VPS72: variants seen among roughly 807,000 people sequenced by gnomAD.
VPS72 encodes vacuolar protein sorting 72 homolog.
Under a neutral mutation model 38.9 loss-of-function variants are expected in VPS72, and 27 were observed. That is an observed-to-expected ratio of 0.69 (90% CI 0.51 to 0.96). The LOEUF (loss-of-function observed/expected upper bound fraction) is 0.96, where lower values mean the gene tolerates loss of function less well. Among genes scored for constraint, VPS72 ranks in the 40% least tolerant of loss-of-function variants. The probability of loss-of-function intolerance (pLI) is 0.00; values close to 1 mark genes in which losing one functional copy is unlikely to be tolerated. For missense variants in VPS72, 360 were observed against 479.5 expected (o/e 0.75, Z 2.33); for synonymous variants, 173 against 186.3 (o/e 0.93, Z 0.58).
rs1684305459 is a variant in VPS72, at chr1:151,184,456, T to C, written c.423A>G (p.Thr141=). 1.2e-6 allele frequency: 2 copies of C among 1,613,872 alleles called. No homozygotes were observed. Among genetic ancestry groups the C allele is most frequent in the Non-Finnish European group, 1.7e-6 (2 of 1,180,036 alleles). The change falls in exon 4 of 6, where the codon ACA becomes ACG. Residue 141 remains threonine (T), a synonymous_variant. Coordinates refer to ENST00000368892, the MANE Select transcript of VPS72 (RefSeq NM_005997.3). ...KSMRQSTAEH[T]RQTFLRVQER... ...CCTGTACCCGAAGGAACGTTTGTCG[T>C]GTATGCTCAGCTGTAGACTGACGCA...
At chr1:151,179,006 G>A (rs1684178277) in intron 4 of VPS72, among the ~76,000 whole-genome samples, 1 of 152,204 alleles carries the variant, frequency 6.6e-6, no homozygotes, top group African/African-American at 2.4e-5. Context: ...TCAAGGCTGG[G>A]CACAGTGGCT....
chr1:151,179,985 G>A (rs1684204063), intron 4 of VPS72, among the ~76,000 whole-genome samples: 1 of 151,948 alleles, frequency 6.6e-6, no homozygotes, highest in Non-Finnish European at 1.5e-5. Flanking sequence ...CCTTAAATAT[G>A]GTTATGATGA....
Position 151,185,955 on chromosome 1 carries a change from G to C in VPS72, c.118-5C>G, listed in dbSNP as rs780362685. 3.7e-6 allele frequency: 6 copies of C among 1,613,564 alleles called. No homozygotes were observed. The African/African-American group carries it at 8.0e-5, about 22-fold the overall frequency. On this transcript the variant is annotated splice_region_variant and splice_polypyrimidine_tract_variant and intron_variant, in intron 1 of 5. Coordinates refer to ENST00000368892, the MANE Select transcript of VPS72 (RefSeq NM_005997.3). ...ATACTCATCATCTCCGGATTCCTAA[G>C]GACACAGGGAGATAAGGGTTGGCTG...
chr1:151,179,257 A>G (rs1684182872), intron 4 of VPS72, among the ~76,000 whole-genome samples: 1 of 151,998 alleles, frequency 6.6e-6, no homozygotes, highest in Non-Finnish European at 1.5e-5. Context: ...AACGCGGGCA[A>G]TAAGAGCGAA....
intron 4 of VPS72, among the ~76,000 whole-genome samples, chr1:151,183,421 CAAAAAAAAAA>C (rs769884773): frequency 3.9e-5 from 2 of 50,860 alleles, no homozygotes; most frequent in Non-Finnish European, 6.9e-5. Context: ...GACTCTGTCT[CAAAAAAAAAA>C]AAAAAAAAAA....
At chr1:151,189,893 C>T (rs2101732279) in intron 1 of VPS72, 112 bp downstream of exon 1, 3 of 1,256,426 alleles carry the variant, frequency 2.4e-6, no homozygotes, top group Non-Finnish European at 3.4e-6. Context: ...ACTCGAGTAT[C>T]AGCTCCCAGA....
Position 151,176,470 on chromosome 1 carries a change from T to G in VPS72, c.*174A>C, listed in dbSNP as rs951339198. 2.7e-6 allele frequency: 3 copies of G among 1,124,636 alleles called. No homozygotes were observed. The African/African-American group carries it at 4.7e-5, about 18-fold the overall frequency. 69.7% of individuals were successfully genotyped at this position (1,124,636 alleles called of 1,614,324 possible). On this transcript the variant is annotated 3_prime_UTR_variant, in exon 6 of 6. Transcript: ENST00000368892. The stretch of plus-strand genomic sequence containing the variant: ...CTGGACACCAGACAAAAGGGATCTT[T>G]CTATTTTATTAGATTAAAAAACACA...
chr1:151,186,385 T>C (rs1329307482), intron 1 of VPS72, among the ~76,000 whole-genome samples: 6 of 151,676 alleles, frequency 4.0e-5, no homozygotes, highest in Admixed American at 3.3e-4. Context: ...ATGGTGAAAC[T>C]CTGTCTCTAC....
intron 4 of VPS72, among the ~76,000 whole-genome samples, chr1:151,179,836 C>T (rs1056480686): frequency 4.0e-5 from 6 of 150,410 alleles, no homozygotes; most frequent in African/African-American, 1.2e-4. Context: ...GGTTGCGGTG[C>T]GCCAAGATCA....
intron 1 of VPS72, 46 bp downstream of exon 1, chr1:151,189,959 C>T (rs1204586517): frequency 6.2e-7 from 1 of 1,602,898 alleles, no homozygotes; most frequent in Non-Finnish European, 8.5e-7. Context: ...CCCTTCAGGG[C>T]TCCTCTTTGC....
rs1684429229 is a variant in VPS72 at position 151,189,933 on chromosome 1, T to A, written c.117+72A>T. ...CTCTCTATTCCCCGCCCTCTTCTTC[T>A]TTGTCCGGGGTTTCTCCCTTCAGGG... is the stretch of plus-strand genomic sequence containing the variant. On this transcript the variant is annotated intron_variant, in intron 1 of 5. Transcript: ENST00000368892. 1.9e-6 allele frequency: 3 copies of A among 1,544,362 alleles called. No individual in the cohort carries two copies. The South Asian group carries it at 3.4e-5, about 17-fold the overall frequency.
intron 4 of VPS72, among the ~76,000 whole-genome samples, chr1:151,180,198 A>C (rs12753080): frequency 1.3e-5 from 2 of 150,188 alleles, no homozygotes; most frequent in African/African-American, 4.9e-5. Flanking sequence ...TTGCACCTGT[A>C]ATCTCAGCTA....
chr1:151,185,911 T>C lies in VPS72; in HGVS notation c.157A>G (p.Thr53Ala). 4 of 1,614,150 alleles carry C rather than the reference T, an allele frequency of 2.5e-6. No homozygotes were observed. The highest frequency in any genetic ancestry group is 3.4e-6 in the Non-Finnish European group (4 of 1,180,016). The stretch of plus-strand genomic sequence containing the variant: ...AAGTCAGAGTCCACTTCGTCCTCTG[T>C]GTCTGACTGGTCCCCTTGATACTCA... Reference protein sequence around the residue: ...DDEYQGDQSDTEDEVDSDFDI... With the variant: ...DDEYQGDQSDAEDEVDSDFDI... The change falls in exon 2 of 6, where the codon ACA (threonine) becomes GCA (alanine). Residue 53 changes from threonine (T) to alanine (A), a missense_variant. Thr to Ala is a moderately conservative substitution (Grantham distance 58, BLOSUM62 0). Transcript: ENST00000368892.
chr1:151,180,209 C>T (rs924803098), intron 4 of VPS72, among the ~76,000 whole-genome samples: 1 of 148,472 alleles, frequency 6.7e-6, no homozygotes, highest in Non-Finnish European at 1.5e-5. Context: ...ATCTCAGCTA[C>T]TCGGGAGGCT....
chr1:151,177,029 A>T lies in VPS72; in HGVS notation c.710T>A (p.Leu237His). 6.5e-7 allele frequency: 1 copy of T among 1,547,854 alleles called. No homozygotes were observed. The highest frequency in any genetic ancestry group is 8.7e-7 in the Non-Finnish European group (1 of 1,148,070). ...PKEENVDIEG[L>H]DPAPSVSALT... is the part of the protein sequence containing the mutation. ...TGCAGACACCGAGGGAGCAGGATCAAGTCTGAGGACAAAAGACAAGGAAAA... is the reference window on the plus strand; with the variant it reads ...TGCAGACACCGAGGGAGCAGGATCATGTCTGAGGACAAAAGACAAGGAAAA... The change falls in exon 6 of 6, where the codon CTT becomes CAT. Residue 237 changes from leucine (L) to histidine (H), a missense_variant and splice_region_variant. Physicochemically the swap from Leu to His is moderately conservative, Grantham distance 99. Around this residue, in one of 2 missense-constraint regions of VPS72, gnomAD observed 294 missense variants for 356.3 expected, o/e 0.83. Transcript: ENST00000368892.
At chr1:151,180,071 C>T (rs1684206980) in intron 4 of VPS72, among the ~76,000 whole-genome samples, 1 of 151,914 alleles carries the variant, frequency 6.6e-6, no homozygotes, top group African/African-American at 2.4e-5. Flanking sequence ...GTAATTACAG[C>T]ACTTTGGGAG....
Position 151,185,538 on chromosome 1 carries a change from A to C in VPS72, c.353T>G (p.Leu118Arg). Residue 118 changes from leucine to arginine, a missense_variant, in exon 3 of 6, where the codon CTG (leucine) becomes CGG (arginine). By Grantham distance (102) the Leu-to-Arg change is moderately radical (BLOSUM62 -2). Around this residue, in one of 2 missense-constraint regions of VPS72, gnomAD observed 294 missense variants for 356.3 expected, o/e 0.83. Coordinates refer to ENST00000368892, the MANE Select transcript of VPS72 (RefSeq NM_005997.3). ...SQKAREEKAL[L>R]PLELQDDGSD... ...GCCGTCATCTTGTAGTTCTAATGGC[A>C]GTAGTGCCTTCTCTTCTCGCGCCTT... The C allele has an allele frequency of 1.2e-6, 2 of 1,614,178 alleles. No individual in the cohort carries two copies. Among genetic ancestry groups the C allele is most frequent in the South Asian group, 1.1e-5 (1 of 91,086 alleles).
Position 151,177,400 on chromosome 1 carries a change from A to G in VPS72, c.708-369T>C, listed in dbSNP as rs973997613. Among the ~76,000 whole-genome samples, 10 of 151,660 alleles carry G rather than the reference A, an allele frequency of 6.6e-5. No homozygotes were observed. The South Asian group carries it at 2.1e-3, about 32-fold the overall frequency. ...GAGACTCCATCTCAAAAAAAAAAAA[A>G]AAAGAAAAGAAAGAAAGAAGGAAAT... On this transcript the variant is annotated intron_variant, in intron 5 of 5. Coordinates refer to ENST00000368892, the MANE Select transcript of VPS72 (RefSeq NM_005997.3).
intron 4 of VPS72, among the ~76,000 whole-genome samples, chr1:151,180,740 C>G (rs1684221779): frequency 6.6e-6 from 1 of 152,054 alleles, no homozygotes; most frequent in Non-Finnish European, 1.5e-5. Context: ...CTGGCCCAAC[C>G]CCTCTACTTT....
Sources: allele counts gnomAD v4.1 joint callset (sites outside exome capture counted in the v4.1 genomes callset), GRCh38; gene constraint gnomAD v4.1.1; regional missense constraint gnomAD v4.1.1; transcripts MANE v1.5; gene names NCBI Gene and HGNC (gene_info 2026-07-23, HGNC 2026-07-21).